Variants in DEDD2 observed in about 807,000 individuals in gnomAD.
DEDD2 encodes the protein death effector domain containing 2.
In DEDD2, 18 loss-of-function variants were observed where a neutral mutation model predicts 28.9. That is an observed-to-expected ratio of 0.62 (90% CI 0.43 to 0.92). The LOEUF (loss-of-function observed/expected upper bound fraction) is 0.92, where lower values mean the gene tolerates loss of function less well. Among genes scored for constraint, DEDD2 ranks in the 40% least tolerant of loss-of-function variants. The pLI is 0.00. For missense variants in DEDD2, 411 were observed against 463.3 expected, an observed-to-expected ratio of 0.89 and a Z score of 1.04; for synonymous variants, 211 against 206.1, an observed-to-expected ratio of 1.02 and a Z score of -0.20.
chr19:42,213,693 TA>T (rs2035852601), intron 3 of DEDD2, among the ~76,000 whole-genome samples: 1 of 151,756 alleles, frequency 6.6e-6, no homozygotes, highest in Non-Finnish European at 1.5e-5. Context: ...AACAGACAGA[TA>T]AAGAAACAAT....
At chr19:42,208,558 C>T (rs1262529440) in intron 4 of DEDD2, among the ~76,000 whole-genome samples, 1 of 152,224 alleles carries the variant, frequency 6.6e-6, no homozygotes, top group Non-Finnish European at 1.5e-5. Flanking sequence ...AATCACATCA[C>T]GTCACCCTCC....
At chr19:42,214,960 A>G (rs982121090) in intron 3 of DEDD2, among the ~76,000 whole-genome samples, 173 bp downstream of exon 3, 2 of 152,102 alleles carry the variant, frequency 1.3e-5, no homozygotes, top group Non-Finnish European at 2.9e-5. Context: ...ATGTGCAACA[A>G]TTCTGTATGT....
At chr19:42,200,450 CCAAA>C (rs1321985284) in intron 4 of DEDD2, among the ~76,000 whole-genome samples, 1 of 152,240 alleles carries the variant, frequency 6.6e-6, no homozygotes, top group African/African-American at 2.4e-5. Context: ...CACCCTGCCC[CCAAA>C]CAATGAGATT....
chr19:42,208,913 T>C (rs1201014026), intron 4 of DEDD2, among the ~76,000 whole-genome samples: 1 of 151,980 alleles, frequency 6.6e-6, no homozygotes, highest in Admixed American at 6.6e-5. Flanking sequence ...AACAGGGAGG[T>C]GATTATCAGC....
intron 3 of DEDD2, among the ~76,000 whole-genome samples, chr19:42,213,989 G>C (rs552695887): frequency 6.6e-6 from 1 of 152,276 alleles, no homozygotes; most frequent in East Asian, 1.9e-4. Context: ...GCCTAATTTA[G>C]GGGTAAAGCA....
chr19:42,216,896 T>C lies in DEDD2; in HGVS notation c.112A>G (p.Thr38Ala). The C allele has an allele frequency of 1.3e-6, 2 of 1,598,984 alleles. No individual in the cohort carries two copies. The highest frequency in any genetic ancestry group is 1.7e-6 in the Non-Finnish European group (2 of 1,173,420). The change falls in exon 2 of 5, where the codon ACC (threonine) becomes GCC (alanine). Residue 38 changes from threonine (T) to alanine (A), a missense_variant. By Grantham distance (58) the Thr-to-Ala change is moderately conservative. Transcript: ENST00000596251. ...RMFEVVGGQL[T>A]ECELELLAFL... The stretch of plus-strand genomic sequence containing the variant: ...GCCAGGAGCTCCAGCTCGCACTCGG[T>C]CAGTTGCCCGCCCACCACCTCGAAC...
In DEDD2 at chr19:42,199,384, CAGG is replaced by C. The variant is rs2035229774; in HGVS notation, c.*51_*53del. 2 of 1,495,794 alleles carry C rather than the reference CAGG, an allele frequency of 1.3e-6. No homozygotes were observed. The highest frequency in any genetic ancestry group is 1.8e-6 in the Non-Finnish European group (2 of 1,129,648). The allele number at this position is 1,495,794 out of a possible 1,614,324, so 92.7% of individuals were successfully genotyped here. A position where few individuals can be genotyped will look rare whatever the true frequency, so the allele number is the denominator to read the frequency against. ...CTAGGGGTAGAGATGGTCGTCCTCC[CAGG>C]AGAAGGTGGCCCGGAGACTTGGAGG... On this transcript the variant is annotated 3_prime_UTR_variant, in exon 5 of 5. Coordinates refer to ENST00000596251, the MANE Select transcript of DEDD2 (RefSeq NM_133328.4). This position sits in a 1 kb window ranked among gnomAD's most constrained non-coding sequence, Gnocchi z 7.4.
chr19:42,201,340 A>T (rs2035322290), intron 4 of DEDD2, among the ~76,000 whole-genome samples: 1 of 152,228 alleles, frequency 6.6e-6, no homozygotes, highest in Non-Finnish European at 1.5e-5. Context: ...GTTCCTGCCT[A>T]AACAAGGGGA....
intron 4 of DEDD2, among the ~76,000 whole-genome samples, chr19:42,205,901 G>A (rs541205396): frequency 6.6e-6 from 1 of 152,098 alleles, no homozygotes; most frequent in South Asian, 2.1e-4. Flanking sequence ...CTGGGCAACA[G>A]GGCAAGATCC....
At position 42,216,887 on chromosome 19, in the gene DEDD2, C is replaced by A; in HGVS notation, c.121G>T (p.Glu41Ter). 1 of 1,598,314 alleles carries A rather than the reference C, an allele frequency of 6.3e-7. No homozygotes were observed. The highest frequency in any genetic ancestry group is 2.3e-5 in the East Asian group (1 of 43,720). ...EVVGGQLTECELELLAFLLDE... is the reference protein window; with the variant it reads ...EVVGGQLTEC ...AGCAGAAAGGCCAGGAGCTCCAGCT[C>A]GCACTCGGTCAGTTGCCCGCCCACC... Residue 41 changes from glutamate (E) to a stop codon, truncating the protein, a stop_gained, in exon 2 of 5, where the codon GAG becomes TAG. Coordinates refer to ENST00000596251, the MANE Select transcript of DEDD2 (RefSeq NM_133328.4). LOFTEE classifies it high-confidence loss of function.
At position 42,199,394 on chromosome 19, in the gene DEDD2, T is replaced by C. The variant is rs778172779; in HGVS notation, c.*44A>G. On this transcript the variant is annotated 3_prime_UTR_variant, in exon 5 of 5. Coordinates refer to ENST00000596251, the MANE Select transcript of DEDD2 (RefSeq NM_133328.4). This position sits in a 1 kb window ranked among gnomAD's most constrained non-coding sequence, Gnocchi z 7.4. ...AGATGGTCGTCCTCCCAGGAGAAGG[T>C]GGCCCGGAGACTTGGAGGTGGGATC... 2.6e-6 allele frequency: 4 copies of C among 1,511,788 alleles called. No individual in the cohort carries two copies. Among genetic ancestry groups the C allele is most frequent in the Admixed American group, 2.2e-5 (1 of 45,754 alleles). The allele number at this position is 1,511,788 out of a possible 1,614,324, so 93.6% of individuals were successfully genotyped here.
chr19:42,205,943 G>T (rs939157339), intron 4 of DEDD2, among the ~76,000 whole-genome samples: 2 of 152,110 alleles, frequency 1.3e-5, no homozygotes, highest in Non-Finnish European at 2.9e-5. Context: ...AAATTAGCCA[G>T]GCATGCTGGA....
chr19:42,199,619 A>G lies in DEDD2; in HGVS notation c.800T>C (p.Leu267Pro). ...SYLDAFWGDYLSGALLQALRG... is the reference protein window; with the variant it reads ...SYLDAFWGDYPSGALLQALRG... ...CAGGGCCTGCAGCAGGGCGCCACTC[A>G]GGTAGTCGCCCCAGAAGGCGTCCAG... Residue 267 changes from leucine (L) to proline (P), a missense_variant, in exon 5 of 5, where the codon CTG becomes CCG. Around this residue, in one of 2 missense-constraint regions of DEDD2, gnomAD observed 129 missense variants for 189.9 expected, o/e 0.68. Transcript: ENST00000596251. This position sits in a 1 kb window ranked among gnomAD's most constrained non-coding sequence, Gnocchi z 7.4. 1 of 1,614,126 alleles carries G rather than the reference A, an allele frequency of 6.2e-7. No homozygotes were observed. Among genetic ancestry groups the G allele is most frequent in the Non-Finnish European group, 8.5e-7 (1 of 1,179,976 alleles).
intron 4 of DEDD2, among the ~76,000 whole-genome samples, chr19:42,206,487 TAAAC>T (rs1444537222): frequency 2.0e-5 from 3 of 152,130 alleles, no homozygotes; most frequent in African/African-American, 4.8e-5. Flanking sequence ...AATAAACAAA[TAAAC>T]AAACCCAAGT....
At chr19:42,210,470 T>A (rs945062480) in intron 3 of DEDD2, among the ~76,000 whole-genome samples, 1 of 152,064 alleles carries the variant, frequency 6.6e-6, no homozygotes, top group Non-Finnish European at 1.5e-5. Flanking sequence ...CTTGGCTCAC[T>A]GCAATCTCCG....
At chr19:42,213,608 G>A (rs1659730853) in intron 3 of DEDD2, among the ~76,000 whole-genome samples, 1 of 152,118 alleles carries the variant, frequency 6.6e-6, no homozygotes, top group Non-Finnish European at 1.5e-5. Flanking sequence ...ATCTAACCAA[G>A]CCTCAGACAC....
intron 4 of DEDD2, among the ~76,000 whole-genome samples, chr19:42,205,995 G>A (rs1599762082): frequency 6.6e-6 from 1 of 151,836 alleles, no homozygotes; most frequent in East Asian, 1.9e-4. Context: ...TGAGGTTGGA[G>A]AATCACTTGA....
chr19:42,209,755 TGCGGCTGGGGC>T lies in DEDD2; in HGVS notation c.523_533del (p.Ala175ThrfsTer13). 1 of 1,604,912 alleles carries T rather than the reference TGCGGCTGGGGC, an allele frequency of 6.2e-7. No individual in the cohort carries two copies. Among genetic ancestry groups the T allele is most frequent in the South Asian group, 1.1e-5 (1 of 90,468 alleles). ...TGGCGGGCTCTGACTGCTGCTGGGG[TGCGGCTGGGGC>T]CCCTCTCCGCCGCCGTCTGGCACCA... is the stretch of plus-strand genomic sequence containing the variant. On this transcript the variant is annotated frameshift_variant, in exon 4 of 5. Coordinates refer to ENST00000596251, the MANE Select transcript of DEDD2 (RefSeq NM_133328.4). LOFTEE classifies it high-confidence loss of function.
At chr19:42,206,954 C>G (rs2035558084) in intron 4 of DEDD2, among the ~76,000 whole-genome samples, 1 of 152,192 alleles carries the variant, frequency 6.6e-6, no homozygotes, top group Non-Finnish European at 1.5e-5. Context: ...GCAGTCAGAC[C>G]TGCTCACCCA....
Sources: gnomAD v4.1 joint callset for allele counts (sites outside exome capture counted in the v4.1 genomes callset) on GRCh38, gnomAD v4.1.1 for gene constraint, gnomAD v4.1.1 regional missense constraint, Gnocchi (gnomAD v3.1) non-coding constraint, MANE v1.5 for transcripts, NCBI Gene and HGNC (gene_info 2026-07-23, HGNC 2026-07-21) for gene names.